The following PIWIL1 variants were observed in gnomAD, a reference collection of about 807,000 sequenced individuals.
PIWIL1 encodes piwi-like protein 1.
In PIWIL1, 73 loss-of-function variants were observed where a neutral mutation model predicts 114.4. The ratio of observed to expected loss-of-function variants is 0.64; its 90% CI spans 0.53 to 0.78. The LOEUF is 0.78. Ranked by LOEUF, PIWIL1 falls within the 30% of genes least tolerant of loss-of-function variation. PIWIL1 has a pLI of 0.00. For synonymous variants in PIWIL1, 375 were observed against 369.0 expected, an observed-to-expected ratio of 1.02 and a Z score of -0.19; for missense variants, 723 against 1,063.1, an observed-to-expected ratio of 0.68 and a Z score of 4.45.
chr12:130,340,072 T>C (rs1201761435), intron 1 of PIWIL1, among the ~76,000 whole-genome samples: 2 of 152,146 alleles, frequency 1.3e-5, no homozygotes, highest in Non-Finnish European at 2.9e-5. Context: ...GAAAACAGGT[T>C]ACCATGTAGT....
chr12:130,393,160 T>G, the PIWIL1 span, among the ~76,000 whole-genome samples: 1 of 117,718 alleles, frequency 8.5e-6, no homozygotes. Context: ...CATCATCACG[T>G]GTGTCCGTCA....
chr12:130,406,262 AAATT>A, the PIWIL1 span: 1 of 1,542,412 alleles, frequency 6.5e-7, no homozygotes, highest in South Asian at 1.2e-5. Flanking sequence ...ATGAAACATA[AAATT>A]AATCGTATTT....
chr12:130,346,671 C>G, intron 5 of PIWIL1, 87 bp downstream of exon 5: 1 of 1,094,168 alleles, frequency 9.1e-7, no homozygotes, highest in Non-Finnish European at 1.4e-6. Context: ...TTTAGAGAGG[C>G]CCCAGGAGTC....
At chr12:130,341,519 C>T (rs1045835324) in intron 1 of PIWIL1, among the ~76,000 whole-genome samples, 4 of 152,232 alleles carry the variant, frequency 2.6e-5, no homozygotes, top group Non-Finnish European at 5.9e-5. Context: ...CTTCAAGTTG[C>T]TTTTAAAGCT....
At chr12:130,347,808 C>T (rs1284911589) in intron 6 of PIWIL1, among the ~76,000 whole-genome samples, 1 of 152,226 alleles carries the variant, frequency 6.6e-6, no homozygotes, top group East Asian at 1.9e-4. Flanking sequence ...GCCGAAACAG[C>T]CAGACACAGC....
chr12:130,409,092 AC>A, the PIWIL1 span, among the ~76,000 whole-genome samples: 1 of 152,204 alleles, frequency 6.6e-6, no homozygotes, highest in African/African-American at 2.4e-5. Context: ...AGGTGGCATA[AC>A]AACATACATG....
the PIWIL1 span, among the ~76,000 whole-genome samples, chr12:130,391,283 C>T: frequency 6.6e-6 from 1 of 152,208 alleles, no homozygotes; most frequent in Non-Finnish European, 1.5e-5. Flanking sequence ...AGGAACAACG[C>T]GGGTGAGACA....
At chr12:130,358,590 C>T (rs1001070124) in intron 14 of PIWIL1, among the ~76,000 whole-genome samples, 4 of 152,236 alleles carry the variant, frequency 2.6e-5, no homozygotes, top group South Asian at 2.1e-4. Flanking sequence ...TTGCTGCTGC[C>T]GCCACCAGTC....
At chr12:130,384,893 T>A in the PIWIL1 span, among the ~76,000 whole-genome samples, 217 of 152,330 alleles carry the variant, frequency 1.4e-3, 1 homozygote, top group African/African-American at 5.2e-3. Flanking sequence ...CTTGAAGTTA[T>A]TTACTCTTTG....
chr12:130,409,492 G>A, the PIWIL1 span, among the ~76,000 whole-genome samples: 2 of 151,886 alleles, frequency 1.3e-5, no homozygotes, highest in Non-Finnish European at 2.9e-5. Context: ...GCAGGCGCCC[G>A]CCACCACGCC....
intron 16 of PIWIL1, among the ~76,000 whole-genome samples, chr12:130,362,184 CTAGTACCCAG>C (rs1175799776): frequency 2.0e-5 from 3 of 152,142 alleles, no homozygotes; most frequent in Non-Finnish European, 4.4e-5. Flanking sequence ...GGTACTAAGC[CTAGTACCCAG>C]TAGTTATTTT....
the PIWIL1 span, chr12:130,424,556 C>T: frequency 9.7e-6 from 12 of 1,231,854 alleles, no homozygotes; most frequent in African/African-American, 1.6e-5. This position sits in a 1 kb window ranked among gnomAD's most constrained non-coding sequence, Gnocchi z 9.8. Context: ...ACCGACAGCC[C>T]CTGTCTTCCA....
the PIWIL1 span, chr12:130,407,930 C>T: frequency 2.0e-6 from 2 of 1,021,832 alleles, no homozygotes; most frequent in African/African-American, 1.6e-5. Flanking sequence ...ACAGCCGAGA[C>T]CTGGCACTGC....
At chr12:130,360,148 G>T (rs1371456283) in intron 14 of PIWIL1, among the ~76,000 whole-genome samples, 1 of 152,160 alleles carries the variant, frequency 6.6e-6, no homozygotes, top group Admixed American at 6.5e-5. Context: ...ATAAGCCTAA[G>T]AAATGAATTG....
the PIWIL1 span, among the ~76,000 whole-genome samples, chr12:130,421,227 T>C: frequency 6.6e-6 from 1 of 152,218 alleles, no homozygotes; most frequent in East Asian, 1.9e-4. Context: ...AGGTTTAGAA[T>C]ACCCGAAAGG....
At chr12:130,379,471 T>C in the PIWIL1 span, among the ~76,000 whole-genome samples, 7,459 of 9,842 alleles carry the variant, frequency 0.76, 3,475 homozygotes, top group Admixed American at 0.85. Context: ...GTTCCTTCAA[T>C]TCCCTCATCC....
chr12:130,424,773 C>T, the PIWIL1 span: 1 of 1,232,776 alleles, frequency 8.1e-7, no homozygotes, highest in East Asian at 3.2e-5. This position sits in a 1 kb window ranked among gnomAD's most constrained non-coding sequence, Gnocchi z 9.8. Context: ...TTCGGGGATA[C>T]TGAAAAGTCT....
chr12:130,373,925 G>T (rs752618718), downstream of PIWIL1, among the ~76,000 whole-genome samples: 8 of 152,140 alleles, frequency 5.3e-5, no homozygotes, highest in Non-Finnish European at 1.0e-4. Context: ...TTTCACGTGG[G>T]ATGTGCGTAT....
In PIWIL1 at chr12:130,371,832, TTTTG is replaced by T. The variant is rs1268843856; in HGVS notation, c.*238_*241del. 7.1e-6 allele frequency: 2 copies of T among 282,806 alleles called. No homozygotes were observed. Among genetic ancestry groups the T allele is most frequent in the East Asian group, 7.4e-5 (1 of 13,572 alleles). 17.5% of individuals were successfully genotyped at this position (282,806 alleles called of 1,614,324 possible). A position where few individuals can be genotyped will look rare whatever the true frequency, so the allele number is the denominator to read the frequency against. The stretch of plus-strand genomic sequence containing the variant: ...TCTCATAGATATTTTGTGAGCATTT[TTTTG>T]TTTATTTTGAAGAAATGTGGATAAG... On this transcript the variant is annotated 3_prime_UTR_variant, in exon 21 of 21. Coordinates refer to ENST00000245255, the MANE Select transcript of PIWIL1 (RefSeq NM_004764.5).
Sources: allele counts gnomAD v4.1 joint callset (sites outside exome capture counted in the v4.1 genomes callset), GRCh38; gene constraint gnomAD v4.1.1; non-coding constraint Gnocchi (gnomAD v3.1); transcripts MANE v1.5; gene names NCBI Gene and HGNC (gene_info 2026-07-23, HGNC 2026-07-21).